The following CNGB3 variants were observed in gnomAD, a reference collection of about 807,000 sequenced individuals.
CNGB3 encodes the protein cyclic nucleotide gated channel subunit beta 3.
In CNGB3, 86 loss-of-function variants were observed where a neutral mutation model predicts 92.8. The observed-to-expected ratio is 0.93, with a 90% CI of 0.78 to 1.11. The LOEUF is 1.11. CNGB3 is among the 50% of genes least tolerant of loss of function. CNGB3 has a pLI of 0.00. For missense variants in CNGB3, 1,026 were observed against 956.8 expected, an observed-to-expected ratio of 1.07 and a Z score of -0.95; for synonymous variants, 333 against 332.7, an observed-to-expected ratio of 1.00 and a Z score of -0.01.
intron 3 of CNGB3, among the ~76,000 whole-genome samples, chr8:86,687,351 C>T (rs1206824784): frequency 6.6e-6 from 1 of 151,874 alleles, no homozygotes; most frequent in African/African-American, 2.4e-5. Context: ...ATTATTCAGC[C>T]ATATAAAAGA....
At chr8:86,737,734 C>G (rs1825271617) in intron 2 of CNGB3, among the ~76,000 whole-genome samples, 1 of 152,102 alleles carries the variant, frequency 6.6e-6, no homozygotes, top group African/African-American at 2.4e-5. Flanking sequence ...CACCCTTCTC[C>G]CATCCTCCAC....
At position 86,739,747 on chromosome 8, in the gene CNGB3, A is replaced by G; in HGVS notation, c.130-11T>C. On this transcript the variant is annotated splice_polypyrimidine_tract_variant and intron_variant, in intron 1 of 17. Coordinates refer to ENST00000320005, the MANE Select transcript of CNGB3 (RefSeq NM_019098.5). The stretch of plus-strand genomic sequence containing the variant: ...ACCTTTGTTTTCTTCCTTTGAGAAA[A>G]AACATAGAGATTGTATGTGATGAAT... 6.2e-7 allele frequency: 1 copy of G among 1,613,060 alleles called. No individual in the cohort carries two copies. The highest frequency in any genetic ancestry group is 2.2e-5 in the East Asian group (1 of 44,854).
intron 3 of CNGB3, among the ~76,000 whole-genome samples, chr8:86,706,227 G>A (rs926057133): frequency 6.6e-6 from 1 of 151,992 alleles, no homozygotes; most frequent in African/African-American, 2.4e-5. Context: ...ATTGAGTAAA[G>A]ATTGCTGTAC....
Position 86,637,310 on chromosome 8 carries a change from T to C in CNGB3, c.1179-4417A>G, listed in dbSNP as rs948345268. ...TTCTGGGCTCTCTATTTTGTTTCAT[T>C]GGACCATATGTGTGTTTTTATGCCA... is the stretch of plus-strand genomic sequence containing the variant. On this transcript the variant is annotated intron_variant, in intron 10 of 17. Transcript: ENST00000320005. Among the ~76,000 whole-genome samples, 14 of 152,326 alleles carry C rather than the reference T, an allele frequency of 9.2e-5. No individual in the cohort carries two copies. The East Asian group carries it at 2.7e-3, about 29-fold the overall frequency.
intron 2 of CNGB3, among the ~76,000 whole-genome samples, chr8:86,729,760 T>TCC (rs1825128084): frequency 6.6e-6 from 1 of 152,226 alleles, no homozygotes; most frequent in African/African-American, 2.4e-5. Context: ...TGCATCATCC[T>TCC]CATCATGAAA....
intron 17 of CNGB3, among the ~76,000 whole-genome samples, chr8:86,577,130 AAAAG>A (rs1424084368): frequency 7.3e-6 from 1 of 137,550 alleles, no homozygotes; most frequent in South Asian, 2.4e-4. Flanking sequence ...AAACCAAAAA[AAAAG>A]AGAGAGAGAG....
chr8:86,688,980 A>G (rs553646284), intron 3 of CNGB3, among the ~76,000 whole-genome samples: 2 of 150,506 alleles, frequency 1.3e-5, no homozygotes, highest in South Asian at 2.1e-4. Flanking sequence ...GGGTCTTGGT[A>G]TGTTGTGTTT....
intron 3 of CNGB3, among the ~76,000 whole-genome samples, chr8:86,703,634 T>C (rs1025781887): frequency 6.6e-6 from 1 of 152,218 alleles, no homozygotes; most frequent in African/African-American, 2.4e-5. Flanking sequence ...TGATTGCTAC[T>C]GTGCCTCTTT....
chr8:86,590,097 C>T (rs1359152714), intron 15 of CNGB3, among the ~76,000 whole-genome samples: 1 of 151,744 alleles, frequency 6.6e-6, no homozygotes, highest in Non-Finnish European at 1.5e-5. Context: ...TATGTAATGG[C>T]CTTCTTTGTC....
At chr8:86,659,914 CA>C in intron 6 of CNGB3, 1 of 379,322 alleles carries the variant, frequency 2.6e-6, no homozygotes, top group South Asian at 2.3e-5. Flanking sequence ...GACTCAGAGG[CA>C]AGACAATTGA....
At chr8:86,641,201 C>T (rs932621444) in intron 10 of CNGB3, among the ~76,000 whole-genome samples, 60 of 152,034 alleles carry the variant, frequency 3.9e-4, no homozygotes, top group African/African-American at 1.4e-3. Context: ...CCAGAAGTTA[C>T]CCTATATAGT....
In CNGB3 at chr8:86,716,489, A is replaced by C. The variant is rs189821340; in HGVS notation, c.338+10042T>G. 6.4e-3 allele frequency among the ~76,000 whole-genome samples: 974 copies of C among 152,334 alleles called. 9 individuals carry two copies. The highest frequency in any genetic ancestry group is 0.015 in the Admixed American group (223 of 15,290). The stretch of plus-strand genomic sequence containing the variant: ...GAGGCAAAAACATCAAGTAACTTAT[A>C]AAGGAAAACCTACTAGAGTAACAGC... On this transcript the variant is annotated intron_variant, in intron 3 of 17. Transcript: ENST00000320005.
At chr8:86,579,277 T>C (rs1821717539) in intron 15 of CNGB3, 25 bp from the exon 16 acceptor site, 2 of 1,612,832 alleles carry the variant, frequency 1.2e-6, no homozygotes, top group Non-Finnish European at 8.5e-7. Flanking sequence ...AATGAGTCTT[T>C]GCCACCAGTT....
chr8:86,716,799 A>T (rs1824862210), intron 3 of CNGB3, among the ~76,000 whole-genome samples: 1 of 152,202 alleles, frequency 6.6e-6, no homozygotes. Context: ...GGTCTATATA[A>T]CAATAACAAT....
intron 13 of CNGB3, among the ~76,000 whole-genome samples, chr8:86,615,214 T>G (rs1822595006): frequency 6.6e-6 from 1 of 152,172 alleles, no homozygotes; most frequent in Non-Finnish European, 1.5e-5. Context: ...CTATATTTTT[T>G]TCAATACTGA....
At position 86,592,730 on chromosome 8, in the gene CNGB3, C is replaced by T. The variant is rs200370646; in HGVS notation, c.1781+11363G>A. 3.4e-4 allele frequency among the ~76,000 whole-genome samples: 52 copies of T among 152,216 alleles called. No individual in the cohort carries two copies. The East Asian group carries it at 8.3e-3, about 24-fold the overall frequency. On this transcript the variant is annotated intron_variant, in intron 15 of 17. Coordinates refer to ENST00000320005, the MANE Select transcript of CNGB3 (RefSeq NM_019098.5). ...ATATATATATAACTCTACATGCTAT[C>T]AATGGAAAGAACATCATATTCAATG...
chr8:86,603,967 T>C, intron 15 of CNGB3, 126 bp downstream of exon 15: 1 of 696,434 alleles, frequency 1.4e-6, no homozygotes, highest in South Asian at 1.6e-5. Context: ...AAAATCCTTA[T>C]TTTACGAATG....
intron 15 of CNGB3, among the ~76,000 whole-genome samples, chr8:86,582,853 A>T (rs1421055063): frequency 1.3e-5 from 2 of 152,188 alleles, no homozygotes. Flanking sequence ...AAGGAAAATG[A>T]TATAGATCAG....
Position 86,579,086 on chromosome 8 carries a change from T to G in CNGB3, c.1928+20A>C, listed in dbSNP as rs776900618. Reference sequence around the variant, plus strand: ...TAAAACCAACTCCATCCATCTCTAATGGTGTTTTAAAGGTTGTACCTGGCT... The same window carrying G: ...TAAAACCAACTCCATCCATCTCTAAGGGTGTTTTAAAGGTTGTACCTGGCT... On this transcript the variant is annotated intron_variant, in intron 16 of 17. Coordinates refer to ENST00000320005, the MANE Select transcript of CNGB3 (RefSeq NM_019098.5). The G allele has an allele frequency of 1.2e-6, 2 of 1,614,102 alleles. No individual in the cohort carries two copies. Among genetic ancestry groups the G allele is most frequent in the Non-Finnish European group, 1.7e-6 (2 of 1,179,936 alleles).
Sources: allele counts gnomAD v4.1 joint callset (sites outside exome capture counted in the v4.1 genomes callset), GRCh38; gene constraint gnomAD v4.1.1; transcripts MANE v1.5; gene names NCBI Gene and HGNC (gene_info 2026-07-23, HGNC 2026-07-21).